Variants in FNDC3B observed in about 807,000 individuals in gnomAD.
The protein encoded by FNDC3B is fibronectin type III domain containing 3B.
A neutral mutation model predicts 151.5 loss-of-function variants in FNDC3B; 12 were observed. The observed-to-expected ratio is 0.08, with a 90% CI of 0.05 to 0.13. The LOEUF is 0.13. Ranked by LOEUF, FNDC3B falls within the 10% of genes least tolerant of loss-of-function variation. FNDC3B has a pLI of 1.00. For missense variants in FNDC3B, 1,214 were observed against 1,505.3 expected (o/e 0.81, Z 3.20); for synonymous variants, 528 against 549.0 (o/e 0.96, Z 0.54).
Position 172,390,770 on chromosome 3 carries a change from G to A in FNDC3B, c.3304-6394G>A, listed in dbSNP as rs148382982. 3.7e-4 allele frequency among the ~76,000 whole-genome samples: 57 copies of A among 152,232 alleles called. 3 individuals are homozygous for A. The East Asian group carries it at 0.011, about 29-fold the overall frequency. ...TCTACAGTGATGTCATTGTTCGATGGCAGAAATTAAGAGGCCACATCACAA... is the reference window on the plus strand; with the variant it reads ...TCTACAGTGATGTCATTGTTCGATGACAGAAATTAAGAGGCCACATCACAA... On this transcript the variant is annotated intron_variant, in intron 25 of 25. Coordinates refer to ENST00000415807, the MANE Select transcript of FNDC3B (RefSeq NM_022763.4).
intron 1 of FNDC3B, among the ~76,000 whole-genome samples, chr3:172,091,060 T>C (rs1219896557): frequency 6.6e-6 from 1 of 152,216 alleles, no homozygotes; most frequent in Non-Finnish European, 1.5e-5. Context: ...CCTATATAAC[T>C]ACTTTTCATC....
intron 3 of FNDC3B, among the ~76,000 whole-genome samples, chr3:172,214,624 A>G (rs111920286): frequency 6.6e-6 from 1 of 151,990 alleles, no homozygotes; most frequent in Non-Finnish European, 1.5e-5. Context: ...AGGTAGATAA[A>G]CTATGACTCT....
chr3:172,198,309 C>T (rs1382585499), intron 3 of FNDC3B, among the ~76,000 whole-genome samples: 1 of 152,086 alleles, frequency 6.6e-6, no homozygotes, highest in African/African-American at 2.4e-5. Flanking sequence ...AGTTGTGCCT[C>T]TCCAAAACTC....
intron 24 of FNDC3B, 115 bp downstream of exon 24, chr3:172,378,551 A>C: frequency 1.0e-6 from 1 of 981,558 alleles, no homozygotes; most frequent in Non-Finnish European, 1.4e-6. Flanking sequence ...TAGAATCAAA[A>C]GAACATTCTA....
chr3:172,093,670 ATTACTGGTGTGAG>A (rs1183464556), intron 1 of FNDC3B, among the ~76,000 whole-genome samples: 1 of 152,100 alleles, frequency 6.6e-6, no homozygotes, highest in Non-Finnish European at 1.5e-5. Flanking sequence ...AAGTGCTGGG[ATTACTGGTGTGAG>A]TCACTGCACC....
chr3:172,358,635 A>G (rs181073312), intron 22 of FNDC3B, among the ~76,000 whole-genome samples: 24 of 152,326 alleles, frequency 1.6e-4, no homozygotes, highest in Non-Finnish European at 3.5e-4. Context: ...ATGGCGTGAC[A>G]CTCTCAAAGA....
intron 3 of FNDC3B, among the ~76,000 whole-genome samples, chr3:172,137,788 T>G (rs1721446331): frequency 6.6e-6 from 1 of 152,180 alleles, no homozygotes; most frequent in Non-Finnish European, 1.5e-5. Context: ...GAATCATAGG[T>G]CTTGAAGGGG....
At position 172,295,619 on chromosome 3, in the gene FNDC3B, C is replaced by T. The variant is rs902033588; in HGVS notation, c.1001+105C>T. 6.8e-6 allele frequency: 7 copies of T among 1,029,072 alleles called. No homozygotes were observed. The African/African-American group carries it at 1.1e-4, about 17-fold the overall frequency. The allele number at this position is 1,029,072 out of a possible 1,614,324, so 63.7% of individuals were successfully genotyped here. On this transcript the variant is annotated intron_variant, in intron 8 of 25. Transcript: ENST00000415807. ...AACCTTATAGGCTTGGCAAATTTTCCTTTAGTTTATTTTAAGATTTAGTAA... is the reference window on the plus strand; with the variant it reads ...AACCTTATAGGCTTGGCAAATTTTCTTTTAGTTTATTTTAAGATTTAGTAA...
intron 1 of FNDC3B, among the ~76,000 whole-genome samples, chr3:172,044,757 A>T (rs1716280711): frequency 6.6e-6 from 1 of 152,226 alleles, no homozygotes; most frequent in Non-Finnish European, 1.5e-5. Flanking sequence ...AAATATAGGA[A>T]ACATGATTTA....
At chr3:172,396,975 A>C (rs1736321268) in intron 25 of FNDC3B, among the ~76,000 whole-genome samples, 189 bp from the exon 26 acceptor site, 1 of 152,180 alleles carries the variant, frequency 6.6e-6, no homozygotes, top group African/African-American at 2.4e-5. Context: ...TGTTTCATTC[A>C]AAGTGTGTTG....
intron 3 of FNDC3B, among the ~76,000 whole-genome samples, chr3:172,167,752 G>C (rs1443052146): frequency 6.6e-6 from 1 of 152,188 alleles, no homozygotes; most frequent in Non-Finnish European, 1.5e-5. Context: ...TGTCAGATCA[G>C]CAGTGGCATT....
intron 10 of FNDC3B, among the ~76,000 whole-genome samples, chr3:172,309,245 T>C (rs1338160230): frequency 6.6e-6 from 1 of 152,234 alleles, no homozygotes; most frequent in Non-Finnish European, 1.5e-5. Context: ...GAACATTCTC[T>C]GGCTGCCAGT....
intron 3 of FNDC3B, among the ~76,000 whole-genome samples, chr3:172,162,548 T>A (rs543002809): frequency 6.6e-6 from 1 of 152,204 alleles, no homozygotes; most frequent in Non-Finnish European, 1.5e-5. Context: ...TTTAACCATT[T>A]GAGGAATGGC....
At position 172,087,006 on chromosome 3, in the gene FNDC3B, C is replaced by T. The variant is rs573781892; in HGVS notation, c.-28-25446C>T. 2.2e-4 allele frequency among the ~76,000 whole-genome samples: 33 copies of T among 152,312 alleles called. No homozygotes were observed. The South Asian group carries it at 6.6e-3, about 31-fold the overall frequency. ...GTTCCTGGCTTCACATGGTTTCTTGCTTTTCCTCACTTTTACCAGAGTTTA... is the reference window on the plus strand; with the variant it reads ...GTTCCTGGCTTCACATGGTTTCTTGTTTTTCCTCACTTTTACCAGAGTTTA... On this transcript the variant is annotated intron_variant, in intron 1 of 25. Transcript: ENST00000415807.
At chr3:172,297,710 G>A (rs898584149) in intron 8 of FNDC3B, among the ~76,000 whole-genome samples, 15 of 152,148 alleles carry the variant, frequency 9.9e-5, no homozygotes, top group Admixed American at 3.9e-4. Flanking sequence ...TCCTGACCTC[G>A]TGATCCGCCC....
intron 3 of FNDC3B, among the ~76,000 whole-genome samples, chr3:172,164,699 A>C (rs933796685): frequency 6.6e-6 from 1 of 152,206 alleles, no homozygotes; most frequent in Non-Finnish European, 1.5e-5. Context: ...ATGAGAGCAA[A>C]GTTTCATAAT....
At chr3:172,076,740 A>G (rs62283791) in intron 1 of FNDC3B, among the ~76,000 whole-genome samples, 8,613 of 152,246 alleles carry the variant, frequency 0.057, 399 homozygotes, top group East Asian at 0.2. Flanking sequence ...ATTGTATTTG[A>G]TAAAGGCATG....
intron 17 of FNDC3B, among the ~76,000 whole-genome samples, chr3:172,342,810 A>G (rs1733403113): frequency 6.6e-6 from 1 of 152,252 alleles, no homozygotes; most frequent in Non-Finnish European, 1.5e-5. Context: ...TATGAAGTCT[A>G]TAGCCACCCT....
At chr3:172,204,319 C>G (rs563925116) in intron 3 of FNDC3B, among the ~76,000 whole-genome samples, 41 of 152,308 alleles carry the variant, frequency 2.7e-4, no homozygotes, top group African/African-American at 9.1e-4. Context: ...AATAAAGAGA[C>G]AGCCCCATTG....
Sources: allele counts gnomAD v4.1 joint callset (sites outside exome capture counted in the v4.1 genomes callset), GRCh38; gene constraint gnomAD v4.1.1; transcripts MANE v1.5; gene names NCBI Gene and HGNC (gene_info 2026-07-23, HGNC 2026-07-21).